The following SYN3 variants were observed in gnomAD, a reference collection of about 807,000 sequenced individuals.
SYN3 encodes synapsin-3.
In SYN3, 35 loss-of-function variants were observed where a neutral mutation model predicts 65.8. The observed-to-expected ratio is 0.53, with a 90% CI of 0.41 to 0.70. The LOEUF (loss-of-function observed/expected upper bound fraction) is 0.70, where lower values mean the gene tolerates loss of function less well. Ranked by LOEUF, SYN3 falls within the 30% of genes least tolerant of loss-of-function variation. SYN3 has a pLI of 0.00. For missense variants in SYN3, 680 were observed against 749.0 expected, an observed-to-expected ratio of 0.91 and a Z score of 1.08; for synonymous variants, 270 against 292.9, an observed-to-expected ratio of 0.92 and a Z score of 0.80.
In SYN3 at chr22:32,515,785, A is replaced by C. The variant is rs377669361; in HGVS notation, c.1611-1961T>G. ...CAGCCATAAAAAATAAAATTCGAAGAAACTCGGTGCTCCAGGATTTTTTTT... is the reference window on the plus strand; with the variant it reads ...CAGCCATAAAAAATAAAATTCGAAGCAACTCGGTGCTCCAGGATTTTTTTT... On this transcript the variant is annotated intron_variant, in intron 13 of 13. Coordinates refer to ENST00000358763, the MANE Select transcript of SYN3 (RefSeq NM_003490.4). Among the ~76,000 whole-genome samples, 22 of 152,290 alleles carry C rather than the reference A, an allele frequency of 1.4e-4. 1 individual carries two copies. The East Asian group carries it at 2.3e-3, about 16-fold the overall frequency.
intron 6 of SYN3, among the ~76,000 whole-genome samples, chr22:32,704,126 G>T (rs1461394396): frequency 6.6e-6 from 1 of 152,030 alleles, no homozygotes; most frequent in African/African-American, 2.4e-5. Flanking sequence ...AGGTATACTC[G>T]TGTCACAGGG....
At chr22:32,518,938 A>C (rs1181534089) in intron 12 of SYN3, among the ~76,000 whole-genome samples, 5 of 152,166 alleles carry the variant, frequency 3.3e-5, no homozygotes, top group Non-Finnish European at 5.9e-5. Flanking sequence ...CCCTAATCTG[A>C]TAGGCCTGGT....
chr22:32,699,954 A>C (rs2060789255), intron 6 of SYN3, among the ~76,000 whole-genome samples: 2 of 152,158 alleles, frequency 1.3e-5, no homozygotes, highest in African/African-American at 4.8e-5. Context: ...CAATCTTCTT[A>C]GTTTTAGATG....
intron 8 of SYN3, among the ~76,000 whole-genome samples, chr22:32,538,759 C>G (rs1483521222): frequency 6.6e-6 from 1 of 152,160 alleles, no homozygotes; most frequent in Non-Finnish European, 1.5e-5. Flanking sequence ...GACTTCCTGA[C>G]AGCCCACCTT....
chr22:33,006,296 A>T (rs1033991979), intron 2 of SYN3, 56 bp downstream of exon 2: 23 of 1,506,590 alleles, frequency 1.5e-5, no homozygotes, highest in Non-Finnish European at 2.0e-5. Flanking sequence ...GAGATGAGAT[A>T]ATCCCCACTC....
chr22:32,518,222 C>A lies in SYN3; in HGVS notation c.1431G>T (p.Gln477His), dbSNP rs140962261. The A allele has an allele frequency of 1.5e-3, 2,425 of 1,613,852 alleles. 4 individuals are homozygous for A. Among genetic ancestry groups the A allele is most frequent in the Non-Finnish European group, 1.7e-3 (2,043 of 1,179,970 alleles). The change falls in exon 13 of 14, where the codon CAG becomes CAT. Residue 477 changes from glutamine to histidine, a missense_variant. Coordinates refer to ENST00000358763, the MANE Select transcript of SYN3 (RefSeq NM_003490.4). The stretch of plus-strand genomic sequence containing the variant: ...GCGGAGAGCCTGGTGACCTTTGCTG[C>A]TGTGGAGATCCGGACTGGGGGCTCA... ...QPLSPQSGSP[Q>H]QQRSPGSPQL...
chr22:32,513,939 A>T (rs1568991316), intron 13 of SYN3, 115 bp from the exon 14 acceptor site: 1 of 1,346,744 alleles, frequency 7.4e-7, no homozygotes, highest in African/African-American at 1.5e-5. Context: ...TAAGGTTATG[A>T]AGACCAGAAA....
chr22:32,896,928 G>T (rs1334013183), intron 4 of SYN3, among the ~76,000 whole-genome samples: 1 of 152,168 alleles, frequency 6.6e-6, no homozygotes, highest in Non-Finnish European at 1.5e-5. Flanking sequence ...TAGAAGTCAC[G>T]TATTCCCCAG....
At chr22:33,053,693 T>G (rs2054208761) in intron 1 of SYN3, among the ~76,000 whole-genome samples, 1 of 152,160 alleles carries the variant, frequency 6.6e-6, no homozygotes, top group African/African-American at 2.4e-5. Flanking sequence ...CAAATTCAGC[T>G]TAAACATCAC....
intron 6 of SYN3, chr22:32,857,169 C>A: frequency 9.4e-7 from 1 of 1,066,940 alleles, no homozygotes; most frequent in Non-Finnish European, 1.5e-6. Flanking sequence ...CCTTTGGATA[C>A]ATACCCAGCA....
intron 6 of SYN3, among the ~76,000 whole-genome samples, chr22:32,770,850 G>GTGTTCAATTAA (rs2045748321): frequency 1.3e-5 from 2 of 149,190 alleles, no homozygotes; most frequent in Non-Finnish European, 3.0e-5. Flanking sequence ...AGAGTGCCTG[G>GTGTTCAATTAA]CACATATGTG....
intron 7 of SYN3, among the ~76,000 whole-genome samples, chr22:32,581,727 T>C (rs1204494007): frequency 6.6e-6 from 1 of 152,140 alleles, no homozygotes; most frequent in Non-Finnish European, 1.5e-5. Flanking sequence ...AGTCTGGATA[T>C]TGGAGACCCC....
At chr22:32,690,302 T>G (rs2060645528) in intron 6 of SYN3, among the ~76,000 whole-genome samples, 1 of 152,220 alleles carries the variant, frequency 6.6e-6, no homozygotes, top group Non-Finnish European at 1.5e-5. Context: ...TGCCTTGACC[T>G]TGGACTTCCC....
intron 6 of SYN3, among the ~76,000 whole-genome samples, chr22:32,776,653 C>T (rs769320208): frequency 3.3e-5 from 5 of 152,188 alleles, no homozygotes; most frequent in African/African-American, 1.2e-4. Flanking sequence ...GAGCCAGTCA[C>T]GCAGCCTTGA....
intron 3 of SYN3, among the ~76,000 whole-genome samples, chr22:32,973,535 C>T (rs1026616190): frequency 1.3e-5 from 2 of 152,198 alleles, no homozygotes; most frequent in Non-Finnish European, 2.9e-5. Context: ...GCACAGGAGG[C>T]GCCCTACCTA....
In SYN3 at chr22:32,787,492, A is replaced by G. The variant is rs149606949; in HGVS notation, c.711+77423T>C. On this transcript the variant is annotated intron_variant, in intron 6 of 13. Coordinates refer to ENST00000358763, the MANE Select transcript of SYN3 (RefSeq NM_003490.4). ...CAAGTGATTTAACCTCCCTGAGCTT[A>G]AGTCTTCTCATCTGGAAAATGAGGA... Among the ~76,000 whole-genome samples, 353 of 152,298 alleles carry G rather than the reference A, an allele frequency of 2.3e-3. 3 individuals are homozygous for G. Among genetic ancestry groups the G allele is most frequent in the African/African-American group, 7.6e-3 (315 of 41,554 alleles).
At chr22:32,981,465 A>G (rs1378401553) in intron 2 of SYN3, among the ~76,000 whole-genome samples, 4 of 151,706 alleles carry the variant, frequency 2.6e-5, no homozygotes, top group Non-Finnish European at 5.9e-5. Context: ...CATGCATGTA[A>G]TCACAGCTAC....
At chr22:32,643,745 A>G (rs1385010335) in intron 6 of SYN3, among the ~76,000 whole-genome samples, 2 of 152,032 alleles carry the variant, frequency 1.3e-5, no homozygotes, top group Non-Finnish European at 2.9e-5. Context: ...GGAGGTAACA[A>G]TACTTCTCCT....
At chr22:32,946,932 TGCTAAACTA>T (rs1218949270) in intron 3 of SYN3, among the ~76,000 whole-genome samples, 1 of 152,228 alleles carries the variant, frequency 6.6e-6, no homozygotes, top group Non-Finnish European at 1.5e-5. Context: ...TTGCTACTCT[TGCTAAACTA>T]GCTGTGAGAG....
Sources: allele counts gnomAD v4.1 joint callset (sites outside exome capture counted in the v4.1 genomes callset), GRCh38; gene constraint gnomAD v4.1.1; transcripts MANE v1.5; gene names NCBI Gene and HGNC (gene_info 2026-07-23, HGNC 2026-07-21).